Variants in TFCP2L1 observed in about 807,000 individuals in gnomAD.
The protein encoded by TFCP2L1 is transcription factor CP2 like 1.
A neutral mutation model predicts 72.2 loss-of-function variants in TFCP2L1; 12 were observed. The ratio of observed to expected loss-of-function variants is 0.17; its 90% CI spans 0.11 to 0.27. TFCP2L1 has a LOEUF of 0.27. Among genes scored for constraint, TFCP2L1 ranks in the 10% least tolerant of loss-of-function variants. TFCP2L1 has a pLI of 1.00. For missense variants in TFCP2L1, 488 were observed against 624.6 expected (o/e 0.78, Z 2.33); for synonymous variants, 260 against 251.0 (o/e 1.04, Z -0.34).
chr2:121,244,343 C>A (rs977587347), intron 6 of TFCP2L1, among the ~76,000 whole-genome samples: 1 of 152,204 alleles, frequency 6.6e-6, no homozygotes, highest in African/African-American at 2.4e-5. Flanking sequence ...CTGGGGTGAC[C>A]GGCGAACGGA....
intron 2 of TFCP2L1, among the ~76,000 whole-genome samples, chr2:121,269,918 A>AAAAAAAAAAATATATAT: frequency 8.7e-6 from 1 of 115,182 alleles, no homozygotes; most frequent in African/African-American, 3.7e-5. Flanking sequence ...AAAAAAAAAA[A>AAAAAAAAAAATATATAT]ATATATATAT....
At position 121,216,980 on chromosome 2, in the gene TFCP2L1, C is replaced by T. The variant is rs916346618; in HGVS notation, c.*7361G>A. On this transcript the variant is annotated 3_prime_UTR_variant, in exon 15 of 15. Coordinates refer to ENST00000263707, the MANE Select transcript of TFCP2L1 (RefSeq NM_014553.3). ...CAGTCCCCTTCTCTTCTGTGGTTAA[C>T]CAAGCAAGCCCCGCAAAGCTTTTCC... 7 of 152,414 alleles carry T rather than the reference C, an allele frequency of 4.6e-5. No individual in the cohort carries two copies. Among genetic ancestry groups the T allele is most frequent in the African/African-American group, 1.7e-4 (7 of 41,470 alleles). The allele number at this position is 152,414 out of a possible 1,614,324, so 9.4% of individuals were successfully genotyped here. A position where few individuals can be genotyped will look rare whatever the true frequency, so the allele number is the denominator to read the frequency against.
rs1013055066 is a variant in TFCP2L1, at chr2:121,249,212, AGT to A, written c.292-127_292-126del. The A allele has an allele frequency of 3.0e-5, 21 of 703,914 alleles. No homozygotes were observed. The Admixed American group carries it at 6.8e-4, about 23-fold the overall frequency. 43.6% of individuals were successfully genotyped at this position (703,914 alleles called of 1,614,324 possible). ...CCCTCCCCCTGGGGCTTCCTTTCCCAGTTCTCAAGCTTTGCCCACTGTCCCCT... is the reference window on the plus strand; with the variant it reads ...CCCTCCCCCTGGGGCTTCCTTTCCCATCTCAAGCTTTGCCCACTGTCCCCT... On this transcript the variant is annotated intron_variant, in intron 3 of 14. Coordinates refer to ENST00000263707, the MANE Select transcript of TFCP2L1 (RefSeq NM_014553.3).
chr2:121,224,437 C>T lies in TFCP2L1; in HGVS notation c.1394-50G>A, dbSNP rs772154436. 1.1e-5 allele frequency: 18 copies of T among 1,595,200 alleles called. 1 individual carries two copies. In the South Asian group the frequency reaches 1.9e-4, roughly 17 times the overall value. On this transcript the variant is annotated intron_variant, in intron 14 of 14. Transcript: ENST00000263707. ...ATTTCACAGGAAAAAAGGTGCAGTG[C>T]CACAGTATTGGGGAGTCCCAAAAGG...
At chr2:121,227,229 T>G (rs575378102) in intron 13 of TFCP2L1, among the ~76,000 whole-genome samples, 28 of 152,350 alleles carry the variant, frequency 1.8e-4, no homozygotes, top group Non-Finnish European at 4.4e-5. Flanking sequence ...TTGGCTGTTA[T>G]GAAATCAGTC....
At chr2:121,269,918 A>AAAAAAAAAATATAT in intron 2 of TFCP2L1, among the ~76,000 whole-genome samples, 1 of 115,182 alleles carries the variant, frequency 8.7e-6, no homozygotes, top group African/African-American at 3.7e-5. Flanking sequence ...AAAAAAAAAA[A>AAAAAAAAAATATAT]ATATATATAT....
chr2:121,281,807 C>T (rs1687268691), intron 1 of TFCP2L1, among the ~76,000 whole-genome samples: 1 of 152,094 alleles, frequency 6.6e-6, no homozygotes, highest in Non-Finnish European at 1.5e-5. Context: ...CAGGTTGAGA[C>T]ATTCCTCCAT....
chr2:121,233,886 G>A (rs184418892), intron 12 of TFCP2L1, among the ~76,000 whole-genome samples: 47 of 152,370 alleles, frequency 3.1e-4, no homozygotes, highest in African/African-American at 1.0e-3. Context: ...CACTAAGGCA[G>A]CACCCACACT....
intron 2 of TFCP2L1, among the ~76,000 whole-genome samples, chr2:121,268,457 G>A (rs778301432): frequency 5.9e-5 from 9 of 152,110 alleles, no homozygotes; most frequent in East Asian, 1.9e-4. Context: ...GGGCTCAAGC[G>A]ATCCTCCTGC....
intron 2 of TFCP2L1, 83 bp downstream of exon 2, chr2:121,281,037 A>G (rs1687246695): frequency 6.3e-7 from 1 of 1,583,014 alleles, no homozygotes; most frequent in African/African-American, 1.4e-5. Flanking sequence ...ACCGTAACAA[A>G]GTCACAAGGC....
Position 121,281,218 on chromosome 2 carries a change from T to A in TFCP2L1, c.116A>T (p.Glu39Val). ...FKQEEPQLSP[E>V]NEARLPPLQY... ...CAGGGGTGGCAGGCGGGCCTCGTTC[T>A]CGGGGGACAGCTGGGGTTCCTCCTG... is the stretch of plus-strand genomic sequence containing the variant. Residue 39 changes from glutamate to valine, a missense_variant, in exon 2 of 15, where the codon GAG becomes GTG. This residue lies in a region of TFCP2L1 where 73 missense variants were observed against 59.7 expected (regional missense o/e 1.22). Transcript: ENST00000263707. 2 of 1,612,700 alleles carry A rather than the reference T, an allele frequency of 1.2e-6. No homozygotes were observed. The highest frequency in any genetic ancestry group is 1.7e-6 in the Non-Finnish European group (2 of 1,179,702).
At chr2:121,251,848 G>T (rs564354394) in intron 2 of TFCP2L1, among the ~76,000 whole-genome samples, 7 of 152,244 alleles carry the variant, frequency 4.6e-5, no homozygotes, top group African/African-American at 1.7e-4. Context: ...ATTTTAACAT[G>T]AATGACTATC....
chr2:121,230,535 C>T (rs1432114432), intron 13 of TFCP2L1, among the ~76,000 whole-genome samples: 3 of 152,112 alleles, frequency 2.0e-5, no homozygotes, highest in Non-Finnish European at 4.4e-5. Flanking sequence ...AATCCCAGCA[C>T]TTTGGAAGGC....
At chr2:121,229,769 G>A (rs1351112946) in intron 13 of TFCP2L1, among the ~76,000 whole-genome samples, 4 of 152,214 alleles carry the variant, frequency 2.6e-5, no homozygotes, top group Non-Finnish European at 5.9e-5. Context: ...TGTGGAAACT[G>A]TGGCACAGAG....
chr2:121,239,753 C>T (rs76538412), intron 7 of TFCP2L1, 104 bp from the exon 8 acceptor site: 32,515 of 1,150,150 alleles, frequency 0.028, 1,911 homozygotes, highest in East Asian at 0.18. Context: ...CATGAGACCC[C>T]CACCTGTGAA....
chr2:121,267,433 C>A (rs1451567205), intron 2 of TFCP2L1, among the ~76,000 whole-genome samples: 3 of 152,138 alleles, frequency 2.0e-5, no homozygotes, highest in African/African-American at 7.2e-5. Flanking sequence ...ATTAACTGGC[C>A]CATTACTACT....
At position 121,248,250 on chromosome 2, in the gene TFCP2L1, T is replaced by C. The variant is rs767442370; in HGVS notation, c.418A>G (p.Ile140Val). Residue 140 changes from isoleucine (I) to valine (V), a missense_variant, in exon 5 of 15, where the codon ATC becomes GTC. Ile to Val is a conservative substitution (Grantham distance 29, BLOSUM62 3). Transcript: ENST00000263707. ...GTCGGGCTGGCCCTGGGGTCCAAGA[T>C]ACCAACAGACAGTGGAATATCTGCA... ...LDIDIPLSVG[I>V]LDPRASPTQL... 1.9e-6 allele frequency: 3 copies of C among 1,613,806 alleles called. No individual in the cohort carries two copies. The highest frequency in any genetic ancestry group is 2.5e-6 in the Non-Finnish European group (3 of 1,179,978).
At chr2:121,281,416 C>A in intron 1 of TFCP2L1, 145 bp from the exon 2 acceptor site, 1 of 845,854 alleles carries the variant, frequency 1.2e-6, no homozygotes. Context: ...TGCACTCCTG[C>A]AACCCTCGAA....
At chr2:121,247,081 G>T in intron 5 of TFCP2L1, 111 bp from the exon 6 acceptor site, 1 of 1,333,158 alleles carries the variant, frequency 7.5e-7, no homozygotes. Flanking sequence ...GTCAGTGCAG[G>T]CCTGCCTCGA....
Sources: gnomAD v4.1 joint callset for allele counts (sites outside exome capture counted in the v4.1 genomes callset) on GRCh38, gnomAD v4.1.1 for gene constraint, gnomAD v4.1.1 regional missense constraint, MANE v1.5 for transcripts, NCBI Gene and HGNC (gene_info 2026-07-23, HGNC 2026-07-21) for gene names.